The following MYH13 variants were observed in gnomAD, a reference collection of about 807,000 sequenced individuals.
MYH13 encodes myosin-13.
A neutral mutation model predicts 232.1 loss-of-function variants in MYH13; 177 were observed. That is an observed-to-expected ratio of 0.76 (90% confidence interval 0.67 to 0.86). MYH13 has a LOEUF of 0.86. MYH13 is among the 40% of genes least tolerant of loss of function. The probability of loss-of-function intolerance (pLI) is 0.00; values close to 1 mark genes in which losing one functional copy is unlikely to be tolerated. For missense variants in MYH13, 2,246 were observed against 2,405.9 expected (o/e 0.93, Z 1.39); for synonymous variants, 884 against 923.5 (o/e 0.96, Z 0.78).
At chr17:10,323,780 A>AGG (rs1907074993) in intron 23 of MYH13, among the ~76,000 whole-genome samples, 1 of 59,466 alleles carries the variant, frequency 1.7e-5, no homozygotes, top group Non-Finnish European at 4.8e-5. Flanking sequence ...AAAAAAAAAA[A>AGG]AAAAAAAAAG....
chr17:10,310,508 T>G (rs1223932297), intron 33 of MYH13, among the ~76,000 whole-genome samples: 1 of 152,172 alleles, frequency 6.6e-6, no homozygotes, highest in Admixed American at 6.5e-5. Flanking sequence ...GACTAAAACT[T>G]TGCATCGCTC....
intron 23 of MYH13, among the ~76,000 whole-genome samples, chr17:10,322,876 G>A (rs1301204834): frequency 2.6e-5 from 4 of 152,026 alleles, no homozygotes; most frequent in Admixed American, 6.6e-5. Context: ...CTCGTGGTCT[G>A]CCCACCTTGG....
intron 21 of MYH13, among the ~76,000 whole-genome samples, chr17:10,328,436 CA>C (rs1297951414): frequency 1.3e-5 from 2 of 152,222 alleles, no homozygotes; most frequent in Non-Finnish European, 2.9e-5. Flanking sequence ...ATGCTCAATG[CA>C]AGGAATAGCT....
At chr17:10,357,971 C>A in intron 7 of MYH13, 144 bp from the exon 8 acceptor site, 1 of 609,374 alleles carries the variant, frequency 1.6e-6, no homozygotes, top group Non-Finnish European at 2.9e-6. Context: ...AGCACCCACG[C>A]CCCCACCCCC....
intron 7 of MYH13, among the ~76,000 whole-genome samples, chr17:10,359,646 G>A (rs911530989): frequency 9.9e-5 from 15 of 152,166 alleles, no homozygotes; most frequent in Non-Finnish European, 7.3e-5. Context: ...GGTATCCAAA[G>A]TGGGGTCAGT....
intron 2 of MYH13, among the ~76,000 whole-genome samples, chr17:10,364,851 T>C (rs1459445304): frequency 6.6e-6 from 1 of 151,964 alleles, no homozygotes; most frequent in Non-Finnish European, 1.5e-5. Context: ...GTGAACTCAA[T>C]AAAAGAGGCT....
intron 7 of MYH13, among the ~76,000 whole-genome samples, chr17:10,359,717 G>A (rs2071776895): frequency 6.6e-6 from 1 of 151,980 alleles, no homozygotes; most frequent in Non-Finnish European, 1.5e-5. Flanking sequence ...GTTAGTATCA[G>A]AATTGAATTG....
At chr17:10,372,783 C>T (rs930735753) in intron 1 of MYH13, among the ~76,000 whole-genome samples, 196 bp downstream of exon 1, 13 of 152,136 alleles carry the variant, frequency 8.5e-5, no homozygotes, top group African/African-American at 3.1e-4. Flanking sequence ...TGTCTTTTCA[C>T]CCCTTGTAAA....
intron 23 of MYH13, 111 bp downstream of exon 23, chr17:10,323,911 T>C: frequency 7.0e-7 from 1 of 1,420,256 alleles, no homozygotes; most frequent in South Asian, 1.5e-5. Flanking sequence ...CAGCCTCTCA[T>C]TTCTGGGCAA....
At chr17:10,365,089 G>A (rs1280880258) in intron 2 of MYH13, among the ~76,000 whole-genome samples, 3 of 152,070 alleles carry the variant, frequency 2.0e-5, no homozygotes, top group Non-Finnish European at 2.9e-5. Context: ...TGGCCAGGCT[G>A]GTCTTGAACT....
chr17:10,345,168 G>A lies in MYH13; in HGVS notation c.1584+34C>T, dbSNP rs368845561. On this transcript the variant is annotated intron_variant, in intron 15 of 40. Coordinates refer to ENST00000252172, the MANE Select transcript of MYH13 (RefSeq NM_003802.3). ...GCAAGAAGGGGAGGGCCCCCAATAAGGAGGAGCTGTCCCAGGCAGCAGTAT... is the reference window on the plus strand; with the variant it reads ...GCAAGAAGGGGAGGGCCCCCAATAAAGAGGAGCTGTCCCAGGCAGCAGTAT... 382 of 1,613,992 alleles carry A rather than the reference G, an allele frequency of 2.4e-4. 1 individual carries two copies. The Middle Eastern group carries it at 7.9e-3, about 33-fold the overall frequency.
chr17:10,371,161 G>T (rs1470583000), intron 2 of MYH13, 48 bp downstream of exon 2: 2 of 152,126 alleles, frequency 1.3e-5, no homozygotes, highest in Non-Finnish European at 2.9e-5. Flanking sequence ...AATGATGTTT[G>T]CTAATTTCAA....
At chr17:10,372,879 C>T (rs1041398261) in intron 1 of MYH13, 100 bp downstream of exon 1, 1 of 152,144 alleles carries the variant, frequency 6.6e-6, no homozygotes, top group African/African-American at 2.4e-5. Flanking sequence ...GTAGGCCCTC[C>T]GTAAAGGCTA....
rs758783505 is a variant in MYH13, at chr17:10,340,197, T to G, written c.2009A>C (p.His670Pro). 1.2e-6 allele frequency: 2 copies of G among 1,613,884 alleles called. No individual in the cohort carries two copies. Among genetic ancestry groups the G allele is most frequent in the Non-Finnish European group, 1.7e-6 (2 of 1,179,936 alleles). ...AATCAGACATCGTACAAAGTGAGGG[T>G]GGGTGCTCCTTAAGTTAGTCATCAA... ...NKLMTNLRST[H>P]PHFVRCLIPN... Residue 670 changes from histidine to proline, a missense_variant, in exon 18 of 41, where the codon CAC (histidine) becomes CCC (proline). Coordinates refer to ENST00000252172, the MANE Select transcript of MYH13 (RefSeq NM_003802.3).
intron 30 of MYH13, 86 bp from the exon 31 acceptor site, chr17:10,312,843 C>T (rs909694638): frequency 4.4e-5 from 62 of 1,416,242 alleles, no homozygotes; most frequent in African/African-American, 7.2e-5. Context: ...AAATGAATAG[C>T]GTGGAAGGGA....
At position 10,346,718 on chromosome 17, in the gene MYH13, C is replaced by T. The variant is rs749296856; in HGVS notation, c.1225G>A (p.Gly409Ser). 6.2e-7 allele frequency: 1 copy of T among 1,613,958 alleles called. No homozygotes were observed. Among genetic ancestry groups the T allele is most frequent in the Non-Finnish European group, 8.5e-7 (1 of 1,179,850 alleles). Residue 409 changes from glycine to serine, a missense_variant, in exon 13 of 41, where the codon GGC becomes AGC. By Grantham distance (56) the Gly-to-Ser change is moderately conservative. Transcript: ENST00000252172. ...KGLCCPRVKV[G>S]NEYVTKGQNV... ...TGCCCTTTAGTGACATATTCATTGC[C>T]AACCTTCACCCTTGGACAGCACAGG... is the stretch of plus-strand genomic sequence containing the variant.
At position 10,345,329 on chromosome 17, in the gene MYH13, T is replaced by G. The variant is rs2071654840; in HGVS notation, c.1457A>C (p.Lys486Thr). 1 of 1,614,078 alleles carries G rather than the reference T, an allele frequency of 6.2e-7. No homozygotes were observed. Among genetic ancestry groups the G allele is most frequent in the Non-Finnish European group, 8.5e-7 (1 of 1,180,042 alleles). Residue 486 changes from lysine (K) to threonine (T), a missense_variant, in exon 15 of 41, where the codon AAA (lysine) becomes ACA (threonine). Lys to Thr is a moderately conservative substitution (Grantham distance 78). Transcript: ENST00000252172. ...GTGGTGGTTGAAAAACTGTTGCAGT[T>G]TCTCATTGGTGAAGTTGATGCACAG... ...EQLCINFTNE[K>T]LQQFFNHHMF...
chr17:10,366,159 G>A (rs771950944), intron 2 of MYH13, among the ~76,000 whole-genome samples: 1 of 151,746 alleles, frequency 6.6e-6, no homozygotes, highest in Non-Finnish European at 1.5e-5. Context: ...AGTCCTGTGT[G>A]GACTGTTCCT....
chr17:10,332,948 A>C, intron 19 of MYH13, 126 bp downstream of exon 19: 1 of 778,530 alleles, frequency 1.3e-6, no homozygotes, highest in Admixed American at 2.3e-5. Context: ...CTCTAGCAAG[A>C]GATGAAGTCT....
Sources: allele counts gnomAD v4.1 joint callset (sites outside exome capture counted in the v4.1 genomes callset), GRCh38; gene constraint gnomAD v4.1.1; transcripts MANE v1.5; gene names NCBI Gene and HGNC (gene_info 2026-07-23, HGNC 2026-07-21).